Variants in USH2A observed in about 807,000 individuals in gnomAD.
USH2A encodes usherin, also known as Usher syndrome 2A (autosomal recessive, mild).
Under a neutral mutation model 538.9 loss-of-function variants are expected in USH2A, and 443 were observed. That is an observed-to-expected ratio of 0.82 (90% confidence interval 0.76 to 0.89). The LOEUF is 0.89. USH2A is among the 40% of genes least tolerant of loss of function. The probability of loss-of-function intolerance (pLI) is 0.00; values close to 1 mark genes in which losing one functional copy is unlikely to be tolerated. For synonymous variants in USH2A, 2,413 were observed against 2,273.5 expected (o/e 1.06, Z -1.75); for missense variants, 6,633 against 6,324.8 (o/e 1.05, Z -1.65).
chr1:216,092,884 G>C (rs1423004318), intron 22 of USH2A, among the ~76,000 whole-genome samples: 1 of 152,048 alleles, frequency 6.6e-6, no homozygotes, highest in Admixed American at 6.6e-5. Flanking sequence ...TTACCTTATG[G>C]AGAGAGATTA....
At chr1:215,677,781 G>T (rs1308151020) in intron 62 of USH2A, among the ~76,000 whole-genome samples, 1 of 152,130 alleles carries the variant, frequency 6.6e-6, no homozygotes, top group Non-Finnish European at 1.5e-5. Context: ...AACAGGTTGA[G>T]TTACATTCTC....
intron 14 of USH2A, 106 bp downstream of exon 14, chr1:216,231,847 C>T (rs1479019649): frequency 5.6e-6 from 8 of 1,417,518 alleles, no homozygotes; most frequent in East Asian, 2.3e-5. Flanking sequence ...GCCACCAAGC[C>T]GGGCAAAAAA....
At chr1:215,633,056 CTT>C (rs1289487633) in intron 70 of USH2A, among the ~76,000 whole-genome samples, 1 of 152,068 alleles carries the variant, frequency 6.6e-6, no homozygotes, top group Non-Finnish European at 1.5e-5. Flanking sequence ...ACATATCTGA[CTT>C]AGTGTTATGT....
chr1:215,739,051 G>A (rs1436597639), intron 60 of USH2A, among the ~76,000 whole-genome samples: 1 of 152,158 alleles, frequency 6.6e-6, no homozygotes, highest in East Asian at 1.9e-4. Context: ...AGTGATTCAT[G>A]CCTATGTAGG....
Position 215,778,182 on chromosome 1 carries a change from G to A in USH2A, c.10939+1661C>T, listed in dbSNP as rs150369113. ...TTCCCCTACCTCAGCCTCCAGAGTA[G>A]CTGGGATTACAGATGCACACCACCA... On this transcript the variant is annotated intron_variant, in intron 55 of 71. Transcript: ENST00000307340. Among the ~76,000 whole-genome samples the A allele has an allele frequency of 8.9e-3, 1,352 of 152,068 alleles. 22 individuals are homozygous for A. Among genetic ancestry groups the A allele is most frequent in the African/African-American group, 0.03 (1,255 of 41,474 alleles).
chr1:216,264,007 G>A (rs2036424347), intron 11 of USH2A, among the ~76,000 whole-genome samples: 1 of 151,878 alleles, frequency 6.6e-6, no homozygotes, highest in African/African-American at 2.4e-5. Context: ...TCTCACTTAC[G>A]ATAGCTAAAA....
chr1:215,978,578 A>T (rs756149051), intron 35 of USH2A, among the ~76,000 whole-genome samples: 25 of 152,334 alleles, frequency 1.6e-4, no homozygotes, highest in African/African-American at 6.0e-4. Context: ...TTATGGAAGT[A>T]AGAAAAGAGT....
intron 4 of USH2A, among the ~76,000 whole-genome samples, chr1:216,340,880 C>T (rs1161870625): frequency 6.6e-6 from 1 of 152,032 alleles, no homozygotes; most frequent in Non-Finnish European, 1.5e-5. Context: ...AAACCCACAG[C>T]CAATATTATA....
At chr1:216,091,395 A>G (rs1413675745) in intron 22 of USH2A, among the ~76,000 whole-genome samples, 1 of 152,250 alleles carries the variant, frequency 6.6e-6, no homozygotes, top group Non-Finnish European at 1.5e-5. Context: ...AAGTATATTC[A>G]AAATTGAATT....
chr1:215,678,970 T>C (rs1658134045), intron 62 of USH2A, among the ~76,000 whole-genome samples: 1 of 152,188 alleles, frequency 6.6e-6, no homozygotes, highest in Non-Finnish European at 1.5e-5. Context: ...AAAAGGAGCT[T>C]TCTTTTCTGA....
rs552127125 is a variant in USH2A, at chr1:215,974,711, T to C, written c.6806-3935A>G. On this transcript the variant is annotated intron_variant, in intron 35 of 71. Transcript: ENST00000307340. Reference sequence around the variant, plus strand: ...GTTGTATAGTATTTCGTAGTGTATATGTATCATATTTTTTCATTCAACCCA... The same window carrying C: ...GTTGTATAGTATTTCGTAGTGTATACGTATCATATTTTTTCATTCAACCCA... Among the ~76,000 whole-genome samples, 65 of 152,268 alleles carry C rather than the reference T, an allele frequency of 4.3e-4. 1 individual carries two copies. The highest frequency in any genetic ancestry group is 1.4e-3 in the African/African-American group (60 of 41,552).
At chr1:216,000,085 A>T (rs1668230972) in intron 33 of USH2A, among the ~76,000 whole-genome samples, 1 of 152,192 alleles carries the variant, frequency 6.6e-6, no homozygotes, top group African/African-American at 2.4e-5. Flanking sequence ...AAAGATATAC[A>T]TACTTTCTAA....
intron 30 of USH2A, among the ~76,000 whole-genome samples, chr1:216,060,034 G>A (rs372557075): frequency 6.6e-6 from 1 of 152,118 alleles, no homozygotes; most frequent in Non-Finnish European, 1.5e-5. Flanking sequence ...ACTTGCCTTG[G>A]CATTTTTCTG....
At chr1:215,692,491 G>T (rs1185017136) in intron 61 of USH2A, among the ~76,000 whole-genome samples, 2 of 151,828 alleles carry the variant, frequency 1.3e-5, no homozygotes, top group Admixed American at 1.3e-4. Flanking sequence ...TTCTCACTTT[G>T]CATATGGAAA....
chr1:215,684,515 T>C (rs943420343), intron 61 of USH2A, among the ~76,000 whole-genome samples: 2 of 152,208 alleles, frequency 1.3e-5, no homozygotes, highest in Non-Finnish European at 2.9e-5. Flanking sequence ...TCCAGCAGTT[T>C]CCAGAGCTTT....
At chr1:216,395,903 G>A (rs2039203984) in intron 3 of USH2A, among the ~76,000 whole-genome samples, 1 of 152,112 alleles carries the variant, frequency 6.6e-6, no homozygotes, top group African/African-American at 2.4e-5. Context: ...ATCTATTCAA[G>A]AAAGTACATA....
chr1:216,206,496 C>A (rs913922128), intron 16 of USH2A, among the ~76,000 whole-genome samples: 1 of 152,138 alleles, frequency 6.6e-6, no homozygotes, highest in Admixed American at 6.5e-5. Flanking sequence ...GAATCTCATG[C>A]CGCCACAGAA....
intron 8 of USH2A, among the ~76,000 whole-genome samples, chr1:216,323,158 A>G (rs2037650260): frequency 6.6e-6 from 1 of 151,334 alleles, no homozygotes; most frequent in African/African-American, 2.4e-5. Flanking sequence ...ATCAAGTAAA[A>G]TATTGGATAA....
At chr1:216,405,209 A>G (rs1294633092) in intron 3 of USH2A, among the ~76,000 whole-genome samples, 1 of 152,192 alleles carries the variant, frequency 6.6e-6, no homozygotes, top group Non-Finnish European at 1.5e-5. Context: ...TTTTAGAAAA[A>G]ATACTCAGGA....
Sources: allele counts gnomAD v4.1 joint callset (sites outside exome capture counted in the v4.1 genomes callset), GRCh38; gene constraint gnomAD v4.1.1; transcripts MANE v1.5; gene names NCBI Gene and HGNC (gene_info 2026-07-23, HGNC 2026-07-21).